ZBTB20: variants seen among roughly 807,000 people sequenced by gnomAD.
ZBTB20 encodes the protein zinc finger and BTB domain-containing protein 20.
ZBTB20 carries 9 observed loss-of-function variants against 56.9 expected under a neutral mutation model. That is an observed-to-expected ratio of 0.16 (90% CI 0.10 to 0.28). The LOEUF is 0.28. ZBTB20 is among the 10% of genes least tolerant of loss of function. ZBTB20 has a pLI of 1.00. For missense variants in ZBTB20, 655 were observed against 1,003.0 expected, an observed-to-expected ratio of 0.65 and a Z score of 4.69; for synonymous variants, 417 against 420.7, an observed-to-expected ratio of 0.99 and a Z score of 0.11.
intron 5 of ZBTB20, among the ~76,000 whole-genome samples, chr3:114,711,955 G>A (rs180684586): frequency 6.6e-6 from 1 of 152,298 alleles, no homozygotes; most frequent in Non-Finnish European, 1.5e-5. Context: ...AAAACTCATC[G>A]TGAAGGACCA....
At position 114,939,221 on chromosome 3, in the gene ZBTB20, C is replaced by A. The variant is rs552879384; in HGVS notation, c.-456+35145G>T. Among the ~76,000 whole-genome samples the A allele has an allele frequency of 4.5e-4, 65 of 145,946 alleles. 6 individuals are homozygous for A. In the South Asian group the frequency reaches 0.014, roughly 30 times the overall value. On this transcript the variant is annotated intron_variant, in intron 3 of 11. Coordinates refer to ENST00000675478, the MANE Select transcript of ZBTB20 (RefSeq NM_001348800.3). Reference sequence around the variant, plus strand: ...TATCTCAAGGAAGCAATCTAAATACCAAAATAATAATGATAAAGAGCTTTA... The same window carrying A: ...TATCTCAAGGAAGCAATCTAAATACAAAAATAATAATGATAAAGAGCTTTA...
intron 1 of ZBTB20, among the ~76,000 whole-genome samples, chr3:115,074,904 T>C (rs949830482): frequency 3.9e-5 from 6 of 152,268 alleles, no homozygotes; most frequent in Admixed American, 2.0e-4. Context: ...TTTTACACTA[T>C]AGAAATCATA....
intron 6 of ZBTB20, among the ~76,000 whole-genome samples, chr3:114,690,660 C>T (rs997193723): frequency 1.3e-5 from 2 of 152,150 alleles, no homozygotes; most frequent in East Asian, 1.9e-4. Flanking sequence ...TAATTTCTTT[C>T]CCCCCAAACA....
chr3:114,361,992 A>G (rs763971966), intron 10 of ZBTB20, among the ~76,000 whole-genome samples: 2 of 152,208 alleles, frequency 1.3e-5, no homozygotes, highest in Non-Finnish European at 2.9e-5. Flanking sequence ...AGCAATGTCA[A>G]TGTTGGAGAC....
intron 4 of ZBTB20, among the ~76,000 whole-genome samples, chr3:114,842,837 T>A (rs1306017588): frequency 1.3e-5 from 2 of 152,120 alleles, no homozygotes; most frequent in Admixed American, 1.3e-4. Context: ...AAAGAATGAA[T>A]CTCCTCAAAC....
chr3:115,048,238 AAAAAAAGAGCTAGCAAAATT>A (rs2081410673), intron 2 of ZBTB20, among the ~76,000 whole-genome samples: 2 of 152,258 alleles, frequency 1.3e-5, no homozygotes, highest in African/African-American at 4.8e-5. Flanking sequence ...AAATAAAAAT[AAAAAAAGAGCTAGCAAAATT>A]TTCTAAATTA....
chr3:114,695,393 C>T (rs115707248), intron 5 of ZBTB20, among the ~76,000 whole-genome samples: 1,923 of 151,704 alleles, frequency 0.013, 43 homozygotes, highest in African/African-American at 0.044. Context: ...AAATGAGAGC[C>T]GAGAAGTCTA....
Position 114,327,626 on chromosome 3 carries a change from T to C in ZBTB20, c.*11379A>G, listed in dbSNP as rs2079104595. The C allele has an allele frequency of 6.6e-6, 1 of 152,214 alleles. No homozygotes were observed. The highest frequency in any genetic ancestry group is 2.1e-4 in the South Asian group (1 of 4,830). The allele number at this position is 152,214 out of a possible 1,614,324, so 9.4% of individuals were successfully genotyped here. A position where few individuals can be genotyped will look rare whatever the true frequency, so the allele number is the denominator to read the frequency against. Reference sequence around the variant, plus strand: ...TTCAAAACTGCTATTTATTTCATTGTTCTCTATGGTGTGAGTTGATGTTAT... The same window carrying C: ...TTCAAAACTGCTATTTATTTCATTGCTCTCTATGGTGTGAGTTGATGTTAT... On this transcript the variant is annotated 3_prime_UTR_variant, in exon 12 of 12. Coordinates refer to ENST00000675478, the MANE Select transcript of ZBTB20 (RefSeq NM_001348800.3).
intron 2 of ZBTB20, among the ~76,000 whole-genome samples, chr3:115,037,911 G>C (rs2108376388): frequency 6.6e-6 from 1 of 152,080 alleles, no homozygotes; most frequent in East Asian, 1.9e-4. Flanking sequence ...TTTATTCTTT[G>C]TGGTTTTAGT....
At chr3:115,121,021 T>C (rs2084168571) in intron 1 of ZBTB20, among the ~76,000 whole-genome samples, 1 of 152,040 alleles carries the variant, frequency 6.6e-6, no homozygotes, top group African/African-American at 2.4e-5. Flanking sequence ...CCTTCCCTAT[T>C]TGGTAGTTTC....
chr3:114,812,294 T>C (rs2072591424), intron 4 of ZBTB20, among the ~76,000 whole-genome samples: 1 of 152,136 alleles, frequency 6.6e-6, no homozygotes, highest in Non-Finnish European at 1.5e-5. Context: ...ATCCCTGAGC[T>C]AGACACAAAG....
intron 10 of ZBTB20, among the ~76,000 whole-genome samples, chr3:114,377,921 G>T (rs1485277035): frequency 2.6e-5 from 4 of 152,294 alleles, no homozygotes; most frequent in Admixed American, 2.6e-4. Context: ...TCAAGCACTT[G>T]TGAAAGCTTG....
intron 7 of ZBTB20, among the ~76,000 whole-genome samples, chr3:114,484,880 C>T (rs930372220): frequency 6.6e-6 from 1 of 151,992 alleles, no homozygotes; most frequent in African/African-American, 2.4e-5. Flanking sequence ...TGCTTTGAGG[C>T]CCTGGACCAC....
chr3:115,112,834 G>C (rs1427510334), intron 1 of ZBTB20, among the ~76,000 whole-genome samples: 6 of 152,254 alleles, frequency 3.9e-5, no homozygotes, highest in South Asian at 2.1e-4. Context: ...GATTGCAATA[G>C]AGAGATCTGT....
intron 7 of ZBTB20, among the ~76,000 whole-genome samples, chr3:114,456,062 C>T (rs1341209466): frequency 6.6e-6 from 1 of 152,050 alleles, no homozygotes; most frequent in African/African-American, 2.4e-5. Context: ...ATCACCCTTA[C>T]CTCCCAAATA....
intron 5 of ZBTB20, among the ~76,000 whole-genome samples, chr3:114,788,046 T>C (rs964703676): frequency 2.0e-5 from 3 of 152,174 alleles, no homozygotes; most frequent in African/African-American, 7.2e-5. Context: ...TAAAGACTGT[T>C]ACTTAAGCCA....
chr3:114,776,333 T>C (rs1024248655), intron 5 of ZBTB20, among the ~76,000 whole-genome samples: 1 of 152,028 alleles, frequency 6.6e-6, no homozygotes, highest in East Asian at 1.9e-4. Context: ...CTGGATTATC[T>C]AGATGGGCCC....
At chr3:114,967,040 G>C (rs1015218985) in intron 3 of ZBTB20, among the ~76,000 whole-genome samples, 2 of 152,026 alleles carry the variant, frequency 1.3e-5, no homozygotes, top group African/African-American at 4.8e-5. Context: ...AGAATAATTT[G>C]AACAAAACCA....
At chr3:114,948,230 T>A (rs2076949042) in intron 3 of ZBTB20, among the ~76,000 whole-genome samples, 2 of 138,914 alleles carry the variant, frequency 1.4e-5, no homozygotes, top group African/African-American at 3.0e-5. Context: ...CCTTATGATT[T>A]AAAAAAAAAA....
Sources: allele counts gnomAD v4.1 joint callset (sites outside exome capture counted in the v4.1 genomes callset), GRCh38; gene constraint gnomAD v4.1.1; transcripts MANE v1.5; gene names NCBI Gene and HGNC (gene_info 2026-07-23, HGNC 2026-07-21).